Variants in FRYL observed in about 807,000 individuals in gnomAD.
FRYL encodes protein furry homolog-like.
FRYL carries 150 observed loss-of-function variants against 351.2 expected under a neutral mutation model. The observed-to-expected ratio is 0.43, with a 90% CI of 0.37 to 0.49. The LOEUF is 0.49. FRYL is among the 20% of genes least tolerant of loss of function. FRYL has a pLI of 0.00. For missense variants in FRYL, 3,036 were observed against 3,619.3 expected (o/e 0.84, Z 4.13); for synonymous variants, 1,153 against 1,257.1 (o/e 0.92, Z 1.75).
intron 2 of FRYL, among the ~76,000 whole-genome samples, chr4:48,695,680 G>C (rs1766090985): frequency 6.6e-6 from 1 of 152,054 alleles, no homozygotes; most frequent in South Asian, 2.1e-4. Context: ...ATTGACAAAT[G>C]GGATCTAATC....
intron 2 of FRYL, among the ~76,000 whole-genome samples, chr4:48,706,251 T>C (rs1339907514): frequency 6.6e-6 from 1 of 152,200 alleles, no homozygotes; most frequent in African/African-American, 2.4e-5. Flanking sequence ...AGAACTCAAA[T>C]ATCAGTTGAT....
At chr4:48,778,133 T>C (rs185358610) in intron 1 of FRYL, among the ~76,000 whole-genome samples, 4 of 152,270 alleles carry the variant, frequency 2.6e-5, no homozygotes. Flanking sequence ...AAGAATTTGT[T>C]TTTGTGTGTC....
chr4:48,565,778 T>C, intron 28 of FRYL, 87 bp from the exon 29 acceptor site: 4 of 1,304,432 alleles, frequency 3.1e-6, no homozygotes, highest in Non-Finnish European at 4.2e-6. Context: ...TGTGTAATAG[T>C]GTAAAAAAGA....
chr4:48,683,670 T>G (rs894833483), intron 3 of FRYL, among the ~76,000 whole-genome samples: 15 of 152,140 alleles, frequency 9.9e-5, no homozygotes, highest in Non-Finnish European at 1.9e-4. Flanking sequence ...AGACATAAAT[T>G]TGTTGCCCTG....
At chr4:48,676,991 C>A (rs1763816674) in intron 3 of FRYL, among the ~76,000 whole-genome samples, 1 of 152,132 alleles carries the variant, frequency 6.6e-6, no homozygotes, top group Admixed American at 6.5e-5. Flanking sequence ...CACAACTTAG[C>A]CTGTTAGGAG....
intron 22 of FRYL, chr4:48,580,462 A>C (rs1740648099): frequency 5.6e-6 from 1 of 178,672 alleles, no homozygotes; most frequent in African/African-American, 2.3e-5. Context: ...TACACAAAAA[A>C]CAGTTGCCAA....
At chr4:48,714,765 C>T (rs1280334343) in intron 1 of FRYL, among the ~76,000 whole-genome samples, 2 of 151,218 alleles carry the variant, frequency 1.3e-5, no homozygotes, top group Admixed American at 1.3e-4. Flanking sequence ...CTCCCTAACT[C>T]ATTTTATGAG....
At chr4:48,774,461 A>C (rs1775813030) in intron 1 of FRYL, among the ~76,000 whole-genome samples, 1 of 152,186 alleles carries the variant, frequency 6.6e-6, no homozygotes, top group Non-Finnish European at 1.5e-5. Context: ...CCACAAATAT[A>C]AAGACTGAAT....
chr4:48,553,745 C>T (rs1172509501), intron 35 of FRYL, among the ~76,000 whole-genome samples: 1 of 151,936 alleles, frequency 6.6e-6, no homozygotes, highest in Admixed American at 6.6e-5. Context: ...AGATTTTCCT[C>T]TGATTTTTAG....
intron 2 of FRYL, among the ~76,000 whole-genome samples, chr4:48,695,207 G>A (rs1395350756): frequency 6.6e-6 from 1 of 152,158 alleles, no homozygotes; most frequent in Non-Finnish European, 1.5e-5. Flanking sequence ...CTGTTCTAGA[G>A]CTCTGTGGTG....
intron 1 of FRYL, among the ~76,000 whole-genome samples, chr4:48,737,761 G>A (rs1032596300): frequency 1.3e-5 from 2 of 152,090 alleles, no homozygotes; most frequent in Non-Finnish European, 1.5e-5. Context: ...TGTAACAGAA[G>A]AACTATACAC....
intron 42 of FRYL, among the ~76,000 whole-genome samples, chr4:48,545,341 T>C (rs975485990): frequency 4.6e-5 from 7 of 152,180 alleles, no homozygotes; most frequent in African/African-American, 1.7e-4. Flanking sequence ...CGTCTTTGTG[T>C]TCTTGGCCAC....
intron 38 of FRYL, among the ~76,000 whole-genome samples, chr4:48,550,326 A>G (rs1407512655): frequency 6.6e-6 from 1 of 152,222 alleles, no homozygotes; most frequent in African/African-American, 2.4e-5. Context: ...GCCTGTTTCC[A>G]GTATTTGTTC....
intron 7 of FRYL, among the ~76,000 whole-genome samples, chr4:48,614,805 A>C (rs1416189846): frequency 6.7e-6 from 1 of 148,486 alleles, no homozygotes; most frequent in East Asian, 2.0e-4. Flanking sequence ...CCACTGCCAA[A>C]AGTTTAATGC....
intron 2 of FRYL, among the ~76,000 whole-genome samples, chr4:48,704,467 C>T (rs12500224): frequency 0.99 from 150,502 of 152,274 alleles, 74,395 homozygotes; most frequent in East Asian, 1. Context: ...AGAGGTATAA[C>T]TTCTTATGAG....
chr4:48,666,259 C>T (rs1436715383), intron 3 of FRYL, among the ~76,000 whole-genome samples: 2 of 151,998 alleles, frequency 1.3e-5, no homozygotes, highest in South Asian at 2.1e-4. Context: ...CCCAGCTACT[C>T]GGGAGGCCGA....
chr4:48,608,489 A>G (rs1306707797), intron 9 of FRYL, among the ~76,000 whole-genome samples: 1 of 152,188 alleles, frequency 6.6e-6, no homozygotes, highest in Non-Finnish European at 1.5e-5. Context: ...GTGCAACTCA[A>G]TGTGTATAAC....
At chr4:48,539,030 T>C (rs1188148418) in intron 47 of FRYL, among the ~76,000 whole-genome samples, 2 of 152,170 alleles carry the variant, frequency 1.3e-5, no homozygotes, top group Non-Finnish European at 2.9e-5. Context: ...GGTTAAGAGC[T>C]ATAACACTTT....
At chr4:48,601,703 T>C (rs1201363692) in intron 13 of FRYL, among the ~76,000 whole-genome samples, 1 of 152,174 alleles carries the variant, frequency 6.6e-6, no homozygotes, top group African/African-American at 2.4e-5. Context: ...CTAGAAGGTT[T>C]TGTGAGATTA....
Sources: gnomAD v4.1 joint callset for allele counts (sites outside exome capture counted in the v4.1 genomes callset) on GRCh38, gnomAD v4.1.1 for gene constraint, MANE v1.5 for transcripts, NCBI Gene and HGNC (gene_info 2026-07-23, HGNC 2026-07-21) for gene names.